RASGRF2: variants seen among roughly 807,000 people sequenced by gnomAD.
The protein encoded by RASGRF2 is Ras protein specific guanine nucleotide releasing factor 2.
RASGRF2 carries 76 observed loss-of-function variants against 151.0 expected under a neutral mutation model. That is an observed-to-expected ratio of 0.50 (90% CI 0.42 to 0.61). The LOEUF (loss-of-function observed/expected upper bound fraction) is 0.61, where lower values mean the gene tolerates loss of function less well. Among genes scored for constraint, RASGRF2 ranks in the 20% least tolerant of loss-of-function variants. The probability of loss-of-function intolerance (pLI) is 0.00; values close to 1 mark genes in which losing one functional copy is unlikely to be tolerated. For missense variants in RASGRF2, 1,148 were observed against 1,564.6 expected, an observed-to-expected ratio of 0.73 and a Z score of 4.49; for synonymous variants, 504 against 566.5, an observed-to-expected ratio of 0.89 and a Z score of 1.57.
chr5:81,106,875 C>G (rs922307196), intron 12 of RASGRF2, among the ~76,000 whole-genome samples: 5 of 152,150 alleles, frequency 3.3e-5, no homozygotes, highest in African/African-American at 9.7e-5. Context: ...AGAGAAGCAG[C>G]ATTTCTTCAG....
rs369137333 is a variant in RASGRF2 at position 81,123,695 on chromosome 5, G to A, written c.2524G>A (p.Ala842Thr). Residue 842 changes from alanine to threonine, a missense_variant, in exon 16 of 27, where the codon GCG (alanine) becomes ACG (threonine). By Grantham distance (58) the Ala-to-Thr change is moderately conservative (BLOSUM62 0). This residue lies in a region of RASGRF2 where 646 missense variants were observed against 807.4 expected (regional missense o/e 0.80). Transcript: ENST00000265080. Reference sequence around the variant, plus strand: ...AGCAGGAGTGGAAAGCTCCCCTGCAGCGGACACCACAGAACTTTCACCTTG... The same window carrying A: ...AGCAGGAGTGGAAAGCTCCCCTGCAACGGACACCACAGAACTTTCACCTTG... The part of the protein sequence containing the change: ...DRAGVESSPA[A>T]DTTELSPCRS... 212 of 1,613,886 alleles carry A rather than the reference G, an allele frequency of 1.3e-4. No homozygotes were observed. Among genetic ancestry groups the A allele is most frequent in the Admixed American group, 1.2e-4 (7 of 59,970 alleles).
chr5:81,082,146 A>G (rs1752104794), intron 7 of RASGRF2, among the ~76,000 whole-genome samples: 1 of 152,090 alleles, frequency 6.6e-6, no homozygotes, highest in African/African-American at 2.4e-5. Context: ...CACATGGGGC[A>G]TTCAGAGAGG....
chr5:81,202,260 C>T (rs1199303388), intron 19 of RASGRF2, among the ~76,000 whole-genome samples: 1 of 152,298 alleles, frequency 6.6e-6, no homozygotes, highest in East Asian at 1.9e-4. Context: ...CATCTCTCTG[C>T]CAGGGTCTGG....
chr5:80,997,862 G>C (rs1474772232), intron 1 of RASGRF2, among the ~76,000 whole-genome samples: 1 of 151,784 alleles, frequency 6.6e-6, no homozygotes, highest in Admixed American at 6.6e-5. Flanking sequence ...CCAGCTGCTC[G>C]GAAGGCTGAG....
intron 17 of RASGRF2, among the ~76,000 whole-genome samples, chr5:81,172,511 A>G (rs1754681792): frequency 6.6e-6 from 1 of 151,696 alleles, no homozygotes; most frequent in African/African-American, 2.4e-5. Context: ...AGAAAATCTC[A>G]GGTTAACCTG....
intron 17 of RASGRF2, among the ~76,000 whole-genome samples, chr5:81,163,989 A>C (rs10074678): frequency 6.6e-6 from 1 of 152,070 alleles, no homozygotes; most frequent in South Asian, 2.1e-4. Flanking sequence ...TAAACACTAC[A>C]TAAATATTAG....
At chr5:81,108,499 C>T (rs1180836044) in intron 12 of RASGRF2, among the ~76,000 whole-genome samples, 2 of 152,154 alleles carry the variant, frequency 1.3e-5, no homozygotes, top group Non-Finnish European at 2.9e-5. Context: ...GCAAAGAATA[C>T]CTGAGAAGCA....
rs774576254 is a variant in RASGRF2 at position 80,991,731 on chromosome 5, C to T, written c.288+30705C>T. Among the ~76,000 whole-genome samples the T allele has an allele frequency of 7.6e-4, 115 of 152,210 alleles. 1 individual carries two copies. The highest frequency in any genetic ancestry group is 4.1e-4 in the Non-Finnish European group (28 of 68,020). ...GATAATATATACAAAAAAGTAGTTG[C>T]TCTTATTTTTAAAATATTTTTCTCT... On this transcript the variant is annotated intron_variant, in intron 1 of 26. Transcript: ENST00000265080.
At chr5:81,148,163 G>C (rs1300866810) in intron 17 of RASGRF2, among the ~76,000 whole-genome samples, 9 of 152,222 alleles carry the variant, frequency 5.9e-5, no homozygotes, top group African/African-American at 2.2e-4. Flanking sequence ...TCTGACAGTT[G>C]AAGGAACAGG....
intron 22 of RASGRF2, among the ~76,000 whole-genome samples, chr5:81,208,857 C>T (rs1364798024): frequency 2.0e-5 from 3 of 152,026 alleles, no homozygotes; most frequent in African/African-American, 7.2e-5. Flanking sequence ...GGCCTGCCAC[C>T]CACTTTTAAA....
chr5:81,190,551 A>G lies in RASGRF2; in HGVS notation c.2793+10270A>G, dbSNP rs999645540. Among the ~76,000 whole-genome samples the G allele has an allele frequency of 3.0e-4, 46 of 152,210 alleles. 1 individual carries two copies. Among genetic ancestry groups the G allele is most frequent in the Admixed American group, 3.3e-4 (5 of 15,286 alleles). ...GTCATATCTCTCTGGAAAATATGAAATGTAAGAAACTATTATCTGATAAGT... is the reference window on the plus strand; with the variant it reads ...GTCATATCTCTCTGGAAAATATGAAGTGTAAGAAACTATTATCTGATAAGT... On this transcript the variant is annotated intron_variant, in intron 18 of 26. Coordinates refer to ENST00000265080, the MANE Select transcript of RASGRF2 (RefSeq NM_006909.3).
chr5:81,099,503 G>T (rs1561203731), intron 12 of RASGRF2, among the ~76,000 whole-genome samples: 2 of 152,136 alleles, frequency 1.3e-5, no homozygotes, highest in African/African-American at 4.8e-5. Context: ...AGAGTATAAG[G>T]CTGGTGTAAA....
At chr5:80,995,691 C>A (rs1370412712) in intron 1 of RASGRF2, among the ~76,000 whole-genome samples, 3 of 129,880 alleles carry the variant, frequency 2.3e-5, no homozygotes, top group East Asian at 2.2e-4. Context: ...CCTTCCCCCC[C>A]CCTTTTTTTT....
At chr5:81,175,579 C>T (rs899875990) in intron 17 of RASGRF2, among the ~76,000 whole-genome samples, 1 of 151,868 alleles carries the variant, frequency 6.6e-6, no homozygotes, top group African/African-American at 2.4e-5. Context: ...CATGGAGAAA[C>T]CCCGTCTCTA....
rs781728770 is a variant in RASGRF2 at position 81,080,780 on chromosome 5, C to T, written c.1152C>T (p.Pro384=). Residue 384 remains proline (P), a synonymous_variant, in exon 7 of 27, where the codon CCC becomes CCT. Coordinates refer to ENST00000265080, the MANE Select transcript of RASGRF2 (RefSeq NM_006909.3). ...GRMLETFLTY[P]MFQIPRYIIT... ...TGCTGGAGACATTCTTGACCTATCC[C>T]ATGTTTCAGGTAAGTCACTTGGGAT... The T allele has an allele frequency of 4.1e-5, 66 of 1,613,050 alleles. No individual in the cohort carries two copies. Among genetic ancestry groups the T allele is most frequent in the Non-Finnish European group, 5.3e-5 (63 of 1,179,426 alleles).
At chr5:81,042,176 T>C (rs367647) in intron 1 of RASGRF2, among the ~76,000 whole-genome samples, 120,479 of 152,098 alleles carry the variant, frequency 0.79, 48,182 homozygotes, top group Middle Eastern at 0.92. Flanking sequence ...AAATGCCAGT[T>C]TTTTCCCTAC....
At chr5:81,117,625 C>T (rs1753195695) in intron 15 of RASGRF2, among the ~76,000 whole-genome samples, 1 of 152,290 alleles carries the variant, frequency 6.6e-6, no homozygotes, top group Non-Finnish European at 1.5e-5. Flanking sequence ...GTCCTTCTCA[C>T]ATGTAAAATA....
chr5:81,025,549 T>C (rs552031647), intron 1 of RASGRF2, among the ~76,000 whole-genome samples: 2 of 152,314 alleles, frequency 1.3e-5, no homozygotes, highest in East Asian at 1.9e-4. Flanking sequence ...ATCTAACTCT[T>C]TTATGGCCTT....
At chr5:81,119,321 C>T (rs774163408) in intron 15 of RASGRF2, among the ~76,000 whole-genome samples, 1 of 152,126 alleles carries the variant, frequency 6.6e-6, no homozygotes, top group Non-Finnish European at 1.5e-5. Context: ...CTGGTGAGGG[C>T]CTTCTTGCTG....
Sources: allele counts gnomAD v4.1 joint callset (sites outside exome capture counted in the v4.1 genomes callset), GRCh38; gene constraint gnomAD v4.1.1; regional missense constraint gnomAD v4.1.1; transcripts MANE v1.5; gene names NCBI Gene and HGNC (gene_info 2026-07-23, HGNC 2026-07-21).